Variants in DOCK8 observed in about 807,000 individuals in gnomAD.
DOCK8 encodes dedicator of cytokinesis protein 8.
A neutral mutation model predicts 245.6 loss-of-function variants in DOCK8; 141 were observed. The ratio of observed to expected loss-of-function variants is 0.57; its 90% confidence interval spans 0.50 to 0.66. The LOEUF (loss-of-function observed/expected upper bound fraction) is 0.66, where lower values mean the gene tolerates loss of function less well. DOCK8 is among the 30% of genes least tolerant of loss of function. DOCK8 has a pLI of 0.00. For missense variants in DOCK8, 2,965 were observed against 2,603.4 expected (o/e 1.14, Z -3.02); for synonymous variants, 1,168 against 970.2 (o/e 1.20, Z -3.79).
intron 1 of DOCK8, among the ~76,000 whole-genome samples, chr9:255,650 A>G (rs995589297): frequency 4.9e-5 from 6 of 122,838 alleles, no homozygotes; most frequent in Non-Finnish European, 9.7e-5. Flanking sequence ...CCTGGGGGAT[A>G]GAGCAAGACT....
intron 1 of DOCK8, among the ~76,000 whole-genome samples, chr9:237,122 A>G (rs770422384): frequency 3.3e-5 from 5 of 152,242 alleles, no homozygotes; most frequent in Admixed American, 2.0e-4. Context: ...AGAAAAAGCC[A>G]TTACCAAAAT....
intron 2 of DOCK8, among the ~76,000 whole-genome samples, chr9:275,930 AC>A (rs2048330046): frequency 6.8e-6 from 1 of 147,524 alleles, no homozygotes; most frequent in African/African-American, 2.5e-5. Flanking sequence ...TCCCTCTGTC[AC>A]CCAGGCTGGA....
intron 5 of DOCK8, among the ~76,000 whole-genome samples, chr9:306,823 T>C (rs1266880019): frequency 6.6e-6 from 1 of 151,974 alleles, no homozygotes; most frequent in African/African-American, 2.4e-5. Context: ...GATCTTGGAG[T>C]TGTCAGAACG....
At chr9:310,585 A>G (rs1159049547) in intron 5 of DOCK8, among the ~76,000 whole-genome samples, 1 of 152,080 alleles carries the variant, frequency 6.6e-6, no homozygotes, top group African/African-American at 2.4e-5. Context: ...CAGCCTCCCA[A>G]GTAGCTGAGA....
In DOCK8 at chr9:396,319, G is replaced by A. The variant is rs144108635; in HGVS notation, c.2971-466G>A. Among the ~76,000 whole-genome samples, 37 of 152,270 alleles carry A rather than the reference G, an allele frequency of 2.4e-4. No homozygotes were observed. In the East Asian group the frequency reaches 6.8e-3, roughly 28 times the overall value. ...AGAAACACTGAAACTCAAGATAGGA[G>A]GAACATTTCTCCCACGTTCTCCTTA... On this transcript the variant is annotated intron_variant, in intron 24 of 47. Transcript: ENST00000432829.
At chr9:286,780 A>G (rs763980311) in intron 3 of DOCK8, 144 bp downstream of exon 3, 26 of 825,248 alleles carry the variant, frequency 3.2e-5, no homozygotes, top group Non-Finnish European at 4.8e-5. Context: ...GCTATATGAT[A>G]TCATCATGTA....
intron 1 of DOCK8, among the ~76,000 whole-genome samples, chr9:249,790 T>C (rs548813647): frequency 6.6e-6 from 1 of 151,226 alleles, no homozygotes; most frequent in South Asian, 2.1e-4. Flanking sequence ...GCTAATTTTT[T>C]TTTTTTTTTG....
intron 24 of DOCK8, among the ~76,000 whole-genome samples, chr9:392,681 C>G (rs542475966): frequency 7.9e-5 from 12 of 152,124 alleles, no homozygotes; most frequent in Non-Finnish European, 1.6e-4. Flanking sequence ...ATTCCAAAAG[C>G]CGAGCTAATT....
chr9:461,032 T>G (rs545582479), intron 46 of DOCK8, among the ~76,000 whole-genome samples: 9 of 152,356 alleles, frequency 5.9e-5, no homozygotes, highest in Admixed American at 5.2e-4. Flanking sequence ...TTCCCTTGGG[T>G]AGAAGAGTAC....
intron 46 of DOCK8, chr9:456,104 G>A (rs1419438162): frequency 1.3e-5 from 2 of 152,164 alleles, no homozygotes; most frequent in Admixed American, 6.5e-5. Context: ...AGAAGTCGTG[G>A]GTGAGAGTGT....
rs781053451 is a variant in DOCK8, at chr9:451,973, ATATATTTTTTTTTTTTTT to A, written c.5962-36_5962-19del. ...TGTGTGTGTATATATATATATATAT[ATATATTTTTTTTTTTTTT>A]TTTTTTTTTTTCCCACCAGGGACCA... is the stretch of plus-strand genomic sequence containing the variant. On this transcript the variant is annotated intron_variant, in intron 45 of 47. Coordinates refer to ENST00000432829, the MANE Select transcript of DOCK8 (RefSeq NM_203447.4). 2.0e-3 allele frequency: 730 copies of A among 369,452 alleles called. 3 individuals carry two copies. Among genetic ancestry groups the A allele is most frequent in the South Asian group, 9.2e-3 (268 of 28,974 alleles). 22.9% of individuals were successfully genotyped at this position (369,452 alleles called of 1,614,324 possible). A position where few individuals can be genotyped will look rare whatever the true frequency, so the allele number is the denominator to read the frequency against.
At chr9:441,171 G>A in intron 40 of DOCK8, 115 bp from the exon 41 acceptor site, 1 of 1,488,802 alleles carries the variant, frequency 6.7e-7, no homozygotes. Flanking sequence ...GTGAAATACT[G>A]TGATACAACA....
At chr9:396,755 T>C (rs1256024592) in intron 24 of DOCK8, 30 bp from the exon 25 acceptor site, 9 of 1,613,928 alleles carry the variant, frequency 5.6e-6, no homozygotes, top group African/African-American at 1.3e-5. Flanking sequence ...CCAATCTCCA[T>C]GTTGACATTT....
At chr9:280,222 A>G (rs758329901) in intron 2 of DOCK8, among the ~76,000 whole-genome samples, 4 of 152,206 alleles carry the variant, frequency 2.6e-5, no homozygotes, top group African/African-American at 4.8e-5. Context: ...GTGTGTTTCT[A>G]GTCTACTGAC....
intron 39 of DOCK8, among the ~76,000 whole-genome samples, chr9:436,032 G>A (rs1004915483): frequency 6.6e-6 from 1 of 152,206 alleles, no homozygotes; most frequent in Non-Finnish European, 1.5e-5. Flanking sequence ...ACACAATTTT[G>A]TGATGTTGTA....
intron 26 of DOCK8, among the ~76,000 whole-genome samples, chr9:400,184 CCTTCACCATCACCATCA>C (rs2054774925): frequency 1.8e-5 from 2 of 111,208 alleles, no homozygotes; most frequent in African/African-American, 7.4e-5. Context: ...ATCACCACCT[CCTTCACCATCACCATCA>C]CCACCACCTC....
chr9:327,057 C>T (rs973922423), intron 8 of DOCK8, among the ~76,000 whole-genome samples: 1 of 152,222 alleles, frequency 6.6e-6, no homozygotes, highest in Non-Finnish European at 1.5e-5. Context: ...TACAACCAGG[C>T]TTTCTTCATG....
chr9:275,903 T>G (rs532265929), intron 2 of DOCK8, among the ~76,000 whole-genome samples: 1 of 149,810 alleles, frequency 6.7e-6, no homozygotes, highest in East Asian at 2.0e-4. Context: ...TTTACTTTTT[T>G]TTTTTGTAAT....
intron 13 of DOCK8, among the ~76,000 whole-genome samples, chr9:339,931 C>T (rs139038161): frequency 6.6e-6 from 1 of 152,330 alleles, no homozygotes; most frequent in East Asian, 1.9e-4. Context: ...CTAATCCATT[C>T]CTTCTCATTT....
Sources: allele counts gnomAD v4.1 joint callset (sites outside exome capture counted in the v4.1 genomes callset), GRCh38; gene constraint gnomAD v4.1.1; transcripts MANE v1.5; gene names NCBI Gene and HGNC (gene_info 2026-07-23, HGNC 2026-07-21).